Variants in NUP153 observed in about 807,000 individuals in gnomAD.
The protein encoded by NUP153 is nucleoporin 153, also known as nuclear pore complex protein Nup153.
NUP153 carries 27 observed loss-of-function variants against 134.6 expected under a neutral mutation model. The observed-to-expected ratio is 0.20, with a 90% confidence interval of 0.15 to 0.28. The LOEUF is 0.28. NUP153 is among the 10% of genes least tolerant of loss of function. The pLI, the probability that NUP153 is intolerant of heterozygous loss-of-function variation, is 1.00. For missense variants in NUP153, 1,821 were observed against 1,731.3 expected (o/e 1.05, Z -0.92); for synonymous variants, 640 against 623.5 (o/e 1.03, Z -0.40).
At chr6:17,701,224 TAAA>T (rs80190785) in intron 1 of NUP153, among the ~76,000 whole-genome samples, 1 of 121,038 alleles carries the variant, frequency 8.3e-6, no homozygotes, top group Non-Finnish European at 1.8e-5. Flanking sequence ...AAACTCTGTC[TAAA>T]AAAAAAAAAA....
chr6:17,623,376 A>C (rs904050534), intron 20 of NUP153, among the ~76,000 whole-genome samples: 1 of 141,016 alleles, frequency 7.1e-6, no homozygotes, highest in African/African-American at 2.6e-5. Flanking sequence ...AAAAAAAAAA[A>C]CCTTTTAAAA....
chr6:17,630,226 C>T (rs1171686436), intron 17 of NUP153, among the ~76,000 whole-genome samples: 2 of 152,092 alleles, frequency 1.3e-5, no homozygotes, highest in Admixed American at 6.6e-5. Context: ...GAAAAAGAGA[C>T]AATGGAGAGA....
At chr6:17,674,860 A>G (rs778360376) in intron 5 of NUP153, 45 bp downstream of exon 5, 3 of 1,448,194 alleles carry the variant, frequency 2.1e-6, no homozygotes, top group African/African-American at 2.9e-5. Context: ...TAAAGTGTAA[A>G]AAAAAAGAAA....
chr6:17,693,183 T>TACACACACACACACACACACACACAC, intron 1 of NUP153, among the ~76,000 whole-genome samples: 1 of 145,936 alleles, frequency 6.9e-6, no homozygotes, highest in Non-Finnish European at 1.5e-5. Context: ...AGCTTTTTCC[T>TACACACACACACACACACACACACAC]ACACACACAC....
intron 5 of NUP153, 143 bp downstream of exon 5, chr6:17,674,762 G>A (rs1768116356): frequency 1.5e-6 from 1 of 657,852 alleles, no homozygotes; most frequent in African/African-American, 1.9e-5. Flanking sequence ...ACAGAGCCAA[G>A]ACTCCATCTC....
intron 1 of NUP153, among the ~76,000 whole-genome samples, chr6:17,698,062 A>G (rs2113861745): frequency 6.6e-6 from 1 of 152,292 alleles, no homozygotes; most frequent in East Asian, 1.9e-4. Context: ...CTCCTTTCTC[A>G]AATAGTTTCA....
At chr6:17,631,555 C>G (rs1304645176) in intron 17 of NUP153, among the ~76,000 whole-genome samples, 1 of 152,188 alleles carries the variant, frequency 6.6e-6, no homozygotes, top group Non-Finnish European at 1.5e-5. Flanking sequence ...ACTGAGTACA[C>G]TTTATTTAGC....
chr6:17,657,536 C>T (rs893420007), intron 11 of NUP153, among the ~76,000 whole-genome samples: 5 of 151,938 alleles, frequency 3.3e-5, no homozygotes, highest in Admixed American at 3.3e-4. Flanking sequence ...CCAGCCTGGG[C>T]AACAAATAGA....
chr6:17,656,305 G>C (rs187245771), intron 11 of NUP153, among the ~76,000 whole-genome samples: 3 of 152,282 alleles, frequency 2.0e-5, no homozygotes, highest in Admixed American at 6.5e-5. Context: ...CTTCAGGGTG[G>C]AACAGAGCCA....
chr6:17,675,682 CAACATGGAA>C lies in NUP153; in HGVS notation c.414_422del (p.Phe138_Met140del), dbSNP rs778844129. The C allele has an allele frequency of 3.0e-5, 48 of 1,613,976 alleles. No homozygotes were observed. The highest frequency in any genetic ancestry group is 2.6e-5 in the Non-Finnish European group (31 of 1,180,020). On this transcript the variant is annotated inframe_deletion, in exon 3 of 22. Coordinates refer to ENST00000262077, the MANE Select transcript of NUP153 (RefSeq NM_005124.4). This position sits in a 1 kb window ranked among gnomAD's most constrained non-coding sequence, Gnocchi z 4.4. ...GCTGACAGTGTAATGCAGGGGATTC[CAACATGGAA>C]AAATTCAGATGGCTCCGATGAAGAG...
chr6:17,705,990 T>C (rs1232542002), intron 1 of NUP153, among the ~76,000 whole-genome samples: 4 of 152,094 alleles, frequency 2.6e-5, no homozygotes, highest in African/African-American at 4.8e-5. Flanking sequence ...GCGCGCATCA[T>C]GGGCCTACAA....
At chr6:17,632,267 C>T (rs1057120078) in intron 17 of NUP153, among the ~76,000 whole-genome samples, 2 of 152,106 alleles carry the variant, frequency 1.3e-5, no homozygotes, top group Non-Finnish European at 2.9e-5. Context: ...CGCCCCCGTA[C>T]TCCAGCCTGG....
rs1442017579 is a variant in NUP153, at chr6:17,638,155, G to A, written c.1847-385C>T. 2.6e-5 allele frequency among the ~76,000 whole-genome samples: 4 copies of A among 152,244 alleles called. No individual in the cohort carries two copies. The highest frequency in any genetic ancestry group is 2.0e-4 in the Admixed American group (3 of 15,292). ...CCTTCATCCATTTCTTCTTTTAAGTGTTCCATTGGCTACACCAAATGGCTT... is the reference window on the plus strand; with the variant it reads ...CCTTCATCCATTTCTTCTTTTAAGTATTCCATTGGCTACACCAAATGGCTT... On this transcript the variant is annotated intron_variant, in intron 15 of 21. Transcript: ENST00000262077. The surrounding 1 kb of genome is among the most constrained non-coding windows in gnomAD (Gnocchi z 4.0).
intron 8 of NUP153, 76 bp downstream of exon 8, chr6:17,668,899 A>C (rs1454860510): frequency 9.9e-7 from 1 of 1,011,568 alleles, no homozygotes; most frequent in East Asian, 2.5e-5. Flanking sequence ...AACTAAATCC[A>C]ATTTGTATAC....
Position 17,637,724 on chromosome 6 carries a change from T to C in NUP153, c.1893A>G (p.Ala631=). ...GTCTTGTATAAACTACTGGGCTTGTTGCGGTGGGCTGAGCAGCAACAGAAT... is the reference window on the plus strand; with the variant it reads ...GTCTTGTATAAACTACTGGGCTTGTCGCGGTGGGCTGAGCAGCAACAGAAT... ...KIDSVAAQPT[A]TSPVVYTRPA... The change falls in exon 16 of 22, where the codon GCA becomes GCG. Residue 631 remains alanine (A), a synonymous_variant. Coordinates refer to ENST00000262077, the MANE Select transcript of NUP153 (RefSeq NM_005124.4). 8 of 1,606,228 alleles carry C rather than the reference T, an allele frequency of 5.0e-6. No homozygotes were observed. The highest frequency in any genetic ancestry group is 2.2e-5 in the East Asian group (1 of 44,872).
chr6:17,638,113 C>T lies in NUP153; in HGVS notation c.1847-343G>A, dbSNP rs1350641874. Among the ~76,000 whole-genome samples, 1 of 152,196 alleles carries T rather than the reference C, an allele frequency of 6.6e-6. No homozygotes were observed. Among genetic ancestry groups the T allele is most frequent in the South Asian group, 2.1e-4 (1 of 4,838 alleles). ...TCTGTCTCTCTACAAACACACAATA[C>T]TCGCAGTCCTCTTTCTCCTTCATCC... On this transcript the variant is annotated intron_variant, in intron 15 of 21. Coordinates refer to ENST00000262077, the MANE Select transcript of NUP153 (RefSeq NM_005124.4). The surrounding 1 kb of genome is among the most constrained non-coding windows in gnomAD (Gnocchi z 4.0).
rs1450124454 is a variant in NUP153, at chr6:17,638,741, T to G, written c.1847-971A>C. ...AGGGAGCAGGGGGAGGTTGGCATCA[T>G]GAATGCAAAGTGTAACCCCAGATAC... is the stretch of plus-strand genomic sequence containing the variant. On this transcript the variant is annotated intron_variant, in intron 15 of 21. Coordinates refer to ENST00000262077, the MANE Select transcript of NUP153 (RefSeq NM_005124.4). The surrounding 1 kb of genome is among the most constrained non-coding windows in gnomAD (Gnocchi z 4.0). Among the ~76,000 whole-genome samples, 1 of 152,220 alleles carries G rather than the reference T, an allele frequency of 6.6e-6. No homozygotes were observed. Among genetic ancestry groups the G allele is most frequent in the Non-Finnish European group, 1.5e-5 (1 of 68,042 alleles).
In NUP153 at chr6:17,632,744, C is replaced by A; in HGVS notation, c.2565G>T (p.Trp855Cys). Residue 855 changes from tryptophan (W) to cysteine (C), a missense_variant, in exon 17 of 22, where the codon TGG (tryptophan) becomes TGT (cysteine). Trp to Cys is a radical substitution (Grantham distance 215). Coordinates refer to ENST00000262077, the MANE Select transcript of NUP153 (RefSeq NM_005124.4). ...TCTGCACTAGGCACAATTCACAGTC[C>A]CAGCTTCCCTCGGGTTTCTTGAACT... is the stretch of plus-strand genomic sequence containing the variant. ...LEKFKKPEGS[W>C]DCELCLVQNK... The A allele has an allele frequency of 6.2e-7, 1 of 1,613,392 alleles. No homozygotes were observed. Among genetic ancestry groups the A allele is most frequent in the African/African-American group, 1.3e-5 (1 of 74,802 alleles).
At chr6:17,618,477 A>G (rs1561847894) in intron 20 of NUP153, among the ~76,000 whole-genome samples, 1 of 152,032 alleles carries the variant, frequency 6.6e-6, no homozygotes, top group African/African-American at 2.4e-5. Context: ...GGTGGGGGGG[A>G]ACCCAGAGGG....
Sources: gnomAD v4.1 joint callset for allele counts (sites outside exome capture counted in the v4.1 genomes callset) on GRCh38, gnomAD v4.1.1 for gene constraint, Gnocchi (gnomAD v3.1) non-coding constraint, MANE v1.5 for transcripts, NCBI Gene and HGNC (gene_info 2026-07-23, HGNC 2026-07-21) for gene names.